ZFAND6: variants seen among roughly 807,000 people sequenced by gnomAD.
ZFAND6 encodes AN1-type zinc finger protein 6.
In ZFAND6, 12 loss-of-function variants were observed where a neutral mutation model predicts 24.5. The ratio of observed to expected loss-of-function variants is 0.49; its 90% CI spans 0.31 to 0.79. The LOEUF is 0.79. ZFAND6 is among the 30% of genes least tolerant of loss of function. The pLI, the probability that ZFAND6 is intolerant of heterozygous loss-of-function variation, is 0.04. For synonymous variants in ZFAND6, 92 were observed against 81.5 expected (o/e 1.13, Z -0.69); for missense variants, 207 against 245.9 (o/e 0.84, Z 1.06).
chr15:80,062,904 C>G (rs961986256), intron 1 of ZFAND6, among the ~76,000 whole-genome samples: 2 of 152,134 alleles, frequency 1.3e-5, no homozygotes, highest in African/African-American at 4.8e-5. Context: ...CTCAGCCTGG[C>G]TCTTTCTTAA....
At chr15:80,073,226 TTTC>T (rs1444735779) in intron 1 of ZFAND6, 7 of 238,628 alleles carry the variant, frequency 2.9e-5, no homozygotes, top group East Asian at 1.2e-4. Context: ...GTGAAACTGC[TTTC>T]TTCTTACTTC....
Position 80,098,438 on chromosome 15 carries a change from A to G in ZFAND6, c.-158A>G, listed in dbSNP as rs2038856863. 6.6e-6 allele frequency: 1 copy of G among 152,240 alleles called. No homozygotes were observed. The highest frequency in any genetic ancestry group is 1.5e-5 in the Non-Finnish European group (1 of 68,038). The allele number at this position is 152,240 out of a possible 1,614,324, so 9.4% of individuals were successfully genotyped here. A position where few individuals can be genotyped will look rare whatever the true frequency, so the allele number is the denominator to read the frequency against. ...CAGGAATGAATCTGAAGTCTGCTGC[A>G]GTAAAACACAGAAGGCTTTAAAATG... On this transcript the variant is annotated 5_prime_UTR_variant, in exon 2 of 7. Coordinates refer to ENST00000261749, the MANE Select transcript of ZFAND6 (RefSeq NM_019006.4).
chr15:80,136,359 G>T (rs1176673555), intron 6 of ZFAND6, among the ~76,000 whole-genome samples: 1 of 152,000 alleles, frequency 6.6e-6, no homozygotes, highest in Non-Finnish European at 1.5e-5. Flanking sequence ...CAGCTACTCG[G>T]GAGACTGAGG....
intron 2 of ZFAND6, among the ~76,000 whole-genome samples, chr15:80,104,665 A>G (rs1461189873): frequency 6.6e-6 from 1 of 152,116 alleles, no homozygotes; most frequent in African/African-American, 2.4e-5. Context: ...ATCTGGGGTA[A>G]TATTTCATTG....
At chr15:80,118,076 A>G (rs1032341533) in intron 2 of ZFAND6, among the ~76,000 whole-genome samples, 4 of 151,760 alleles carry the variant, frequency 2.6e-5, no homozygotes, top group African/African-American at 9.7e-5. Flanking sequence ...ATGTATACAT[A>G]CTATATATAC....
chr15:80,100,743 G>A (rs753062022), intron 2 of ZFAND6, among the ~76,000 whole-genome samples: 17 of 152,138 alleles, frequency 1.1e-4, no homozygotes, highest in Non-Finnish European at 1.8e-4. Flanking sequence ...TTGTTTTACT[G>A]TTGTATAATG....
intron 2 of ZFAND6, among the ~76,000 whole-genome samples, chr15:80,117,746 T>C (rs181855239): frequency 6.6e-6 from 1 of 152,314 alleles, no homozygotes; most frequent in African/African-American, 2.4e-5. Context: ...GTAAAATTAA[T>C]AATTTTTACT....
intron 1 of ZFAND6, among the ~76,000 whole-genome samples, chr15:80,076,157 C>G (rs1390016657): frequency 1.3e-5 from 2 of 152,068 alleles, no homozygotes; most frequent in African/African-American, 4.8e-5. Flanking sequence ...AGTCCCATAT[C>G]TTTAATTAGC....
chr15:80,136,036 G>A (rs1374002388), intron 6 of ZFAND6, among the ~76,000 whole-genome samples: 1 of 151,960 alleles, frequency 6.6e-6, no homozygotes, highest in East Asian at 1.9e-4. Flanking sequence ...TGAGGTGGAA[G>A]GATTGCTTGA....
At chr15:80,086,482 C>T (rs1439432210) in intron 1 of ZFAND6, among the ~76,000 whole-genome samples, 1 of 152,196 alleles carries the variant, frequency 6.6e-6, no homozygotes, top group Admixed American at 6.5e-5. Context: ...CCAAAATATT[C>T]CTTGAACCAA....
chr15:80,113,594 T>C (rs748626423), intron 2 of ZFAND6, among the ~76,000 whole-genome samples: 7 of 152,238 alleles, frequency 4.6e-5, no homozygotes, highest in Non-Finnish European at 1.0e-4. Flanking sequence ...TTATAAATTA[T>C]GAATATTGCA....
At chr15:80,113,810 G>A (rs1047512111) in intron 2 of ZFAND6, among the ~76,000 whole-genome samples, 1 of 131,870 alleles carries the variant, frequency 7.6e-6, no homozygotes, top group African/African-American at 2.9e-5. Context: ...GAAACTTAGA[G>A]TTTAGCTGGG....
At chr15:80,134,241 C>T (rs1449464308) in intron 6 of ZFAND6, among the ~76,000 whole-genome samples, 1 of 152,188 alleles carries the variant, frequency 6.6e-6, no homozygotes, top group African/African-American at 2.4e-5. Flanking sequence ...CCGTCCACCT[C>T]AGCCTCCCAA....
chr15:80,135,950 T>A (rs527400058), intron 6 of ZFAND6, among the ~76,000 whole-genome samples: 15 of 152,176 alleles, frequency 9.9e-5, no homozygotes, highest in African/African-American at 3.4e-4. Flanking sequence ...ATAGTGAGAC[T>A]CAGTCTGTAC....
At chr15:80,068,652 G>A (rs889541092) in intron 1 of ZFAND6, among the ~76,000 whole-genome samples, 21 of 152,220 alleles carry the variant, frequency 1.4e-4, no homozygotes, top group African/African-American at 5.1e-4. Flanking sequence ...GATTATAGGC[G>A]TGAGCTACCG....
rs1011245847 is a variant in ZFAND6 at position 80,120,216 on chromosome 15, G to A, written c.-17-112G>A. 8.2e-6 allele frequency: 7 copies of A among 856,636 alleles called. No homozygotes were observed. In the East Asian group the frequency reaches 2.0e-4, roughly 25 times the overall value. The allele number at this position is 856,636 out of a possible 1,614,324, so 53.1% of individuals were successfully genotyped here. A position where few individuals can be genotyped will look rare whatever the true frequency, so the allele number is the denominator to read the frequency against. On this transcript the variant is annotated intron_variant, in intron 2 of 6. Transcript: ENST00000261749. ...CCCTATGTCTTGGGACAGTTATGTA[G>A]AATAGTTTGATATATGTGGGCTTTT... is the stretch of plus-strand genomic sequence containing the variant.
chr15:80,117,021 C>T (rs1206550348), intron 2 of ZFAND6, among the ~76,000 whole-genome samples: 1 of 152,168 alleles, frequency 6.6e-6, no homozygotes, highest in Admixed American at 6.5e-5. Flanking sequence ...GATTCAGTGT[C>T]TTAGGATGAT....
intron 5 of ZFAND6, among the ~76,000 whole-genome samples, chr15:80,126,425 G>C (rs1157765177): frequency 1.3e-5 from 2 of 152,170 alleles, no homozygotes; most frequent in Non-Finnish European, 2.9e-5. Context: ...TGTTGTACCG[G>C]CATGAGGATA....
chr15:80,075,212 A>C (rs1395119779), intron 1 of ZFAND6: 1 of 172,498 alleles, frequency 5.8e-6, no homozygotes, highest in Non-Finnish European at 1.3e-5. Context: ...TTTAAAATTA[A>C]AAATTTTCCA....
Sources: gnomAD v4.1 joint callset for allele counts (sites outside exome capture counted in the v4.1 genomes callset) on GRCh38, gnomAD v4.1.1 for gene constraint, MANE v1.5 for transcripts, NCBI Gene and HGNC (gene_info 2026-07-23, HGNC 2026-07-21) for gene names.